Variants in RIMS2 observed in about 807,000 individuals in gnomAD.
RIMS2 encodes the protein regulating synaptic membrane exocytosis 2.
RIMS2 carries 59 observed loss-of-function variants against 174.4 expected under a neutral mutation model. That is an observed-to-expected ratio of 0.34 (90% CI 0.27 to 0.42). RIMS2 has a LOEUF of 0.42. RIMS2 is among the 10% of genes least tolerant of loss of function. The probability of loss-of-function intolerance (pLI) is 1.00; values close to 1 mark genes in which losing one functional copy is unlikely to be tolerated. For missense variants in RIMS2, 1,620 were observed against 1,666.3 expected, an observed-to-expected ratio of 0.97 and a Z score of 0.48; for synonymous variants, 606 against 572.5, an observed-to-expected ratio of 1.06 and a Z score of -0.84.
At chr8:103,925,945 A>C (rs1329858159) in intron 10 of RIMS2, among the ~76,000 whole-genome samples, 1 of 151,554 alleles carries the variant, frequency 6.6e-6, no homozygotes, top group Non-Finnish European at 1.5e-5. Context: ...TCAACGCAAA[A>C]ATATATTTTT....
In RIMS2 at chr8:104,032,643, T is replaced by G. The variant is rs578190755; in HGVS notation, c.3334+18028T>G. Among the ~76,000 whole-genome samples the G allele has an allele frequency of 2.3e-4, 35 of 152,180 alleles. No homozygotes were observed. The South Asian group carries it at 7.2e-3, about 32-fold the overall frequency. ...TAATTAGTAATTGGATGAGAATACA[T>G]TGAAATTTTCATTGAAAATTTAAAA... On this transcript the variant is annotated intron_variant, in intron 19 of 23. Coordinates refer to ENST00000504942, the Ensembl canonical transcript of RIMS2.
intron 3 of RIMS2, among the ~76,000 whole-genome samples, chr8:103,856,883 T>C (rs1166593281): frequency 1.3e-5 from 2 of 152,116 alleles, no homozygotes; most frequent in Non-Finnish European, 2.9e-5. Flanking sequence ...CTCGGCTCAT[T>C]GCAACCTCCG....
intron 11 of RIMS2, among the ~76,000 whole-genome samples, chr8:103,931,013 A>G (rs2079814548): frequency 6.6e-6 from 1 of 152,124 alleles, no homozygotes; most frequent in Admixed American, 6.6e-5. Context: ...TTGCATGTTA[A>G]TAAGCAATCA....
intron 3 of RIMS2, among the ~76,000 whole-genome samples, chr8:103,866,283 C>T (rs1266513394): frequency 6.6e-6 from 1 of 152,072 alleles, no homozygotes; most frequent in Admixed American, 6.6e-5. Flanking sequence ...ATAAAGCTGA[C>T]AATAACAGGA....
At chr8:103,834,724 C>CTTTCTTTCTTTCTT (rs2098853229) in intron 3 of RIMS2, among the ~76,000 whole-genome samples, 1 of 112,082 alleles carries the variant, frequency 8.9e-6, no homozygotes. Context: ...TTCTTTCTTT[C>CTTTCTTTCTTTCTT]TTTCTTTCTT....
intron 1 of RIMS2, among the ~76,000 whole-genome samples, chr8:103,529,737 C>T (rs1012364424): frequency 6.6e-6 from 1 of 152,236 alleles, no homozygotes; most frequent in Admixed American, 6.5e-5. Flanking sequence ...GAGCTGTAGA[C>T]TGGAGCTGTT....
At chr8:103,747,333 A>G (rs1237289449) in intron 2 of RIMS2, among the ~76,000 whole-genome samples, 1 of 147,982 alleles carries the variant, frequency 6.8e-6, no homozygotes, top group Non-Finnish European at 1.5e-5. Context: ...ATGGTAAGAG[A>G]CAGGGTTGGG....
intron 1 of RIMS2, among the ~76,000 whole-genome samples, chr8:103,564,878 C>T (rs139720935): frequency 5.4e-4 from 82 of 152,314 alleles, no homozygotes; most frequent in Middle Eastern, 3.4e-3. Flanking sequence ...TCAACCATCA[C>T]GCTGGTCTTA....
chr8:103,941,201 T>A (rs1424437178), intron 13 of RIMS2, among the ~76,000 whole-genome samples: 2 of 152,088 alleles, frequency 1.3e-5, no homozygotes, highest in Admixed American at 1.3e-4. Context: ...ATGAAACAAC[T>A]CCAGGCATGG....
At chr8:103,632,961 C>T (rs1237296212) in intron 1 of RIMS2, among the ~76,000 whole-genome samples, 1 of 149,754 alleles carries the variant, frequency 6.7e-6, no homozygotes, top group Non-Finnish European at 1.5e-5. Flanking sequence ...TCTCTATCTC[C>T]TGACCCTGTG....
chr8:103,751,921 T>C (rs1642806849), intron 2 of RIMS2, among the ~76,000 whole-genome samples: 1 of 151,810 alleles, frequency 6.6e-6, no homozygotes, highest in South Asian at 2.1e-4. Flanking sequence ...GATGGTAGTT[T>C]CTTTTGCTGT....
At chr8:103,652,496 T>TA in intron 1 of RIMS2, 128 bp from the exon 3 acceptor site, 1 of 455,636 alleles carries the variant, frequency 2.2e-6, no homozygotes. Flanking sequence ...GCCTGGATGA[T>TA]AATTGGAGCT....
intron 1 of RIMS2, among the ~76,000 whole-genome samples, chr8:103,602,614 A>G (rs980100009): frequency 1.3e-5 from 2 of 152,156 alleles, no homozygotes; most frequent in Non-Finnish European, 2.9e-5. Flanking sequence ...AGCTCCATCC[A>G]TATTGCTGCA....
At chr8:104,035,797 C>T (rs2096500739) in intron 19 of RIMS2, among the ~76,000 whole-genome samples, 1 of 152,056 alleles carries the variant, frequency 6.6e-6, no homozygotes, top group African/African-American at 2.4e-5. Context: ...TGTTCTTGGT[C>T]ATTATCAGCA....
chr8:103,851,097 GA>G (rs1312302898), intron 3 of RIMS2, among the ~76,000 whole-genome samples: 1 of 151,930 alleles, frequency 6.6e-6, no homozygotes, highest in Non-Finnish European at 1.5e-5. Context: ...GGCATAAAGG[GA>G]AAGGTGCTTA....
In RIMS2 at chr8:103,941,473, C is replaced by A. The variant is rs113333904; in HGVS notation, c.2548-1300C>A. Among the ~76,000 whole-genome samples, 8 of 127,754 alleles carry A rather than the reference C, an allele frequency of 6.3e-5. 2 individuals carry two copies. The highest frequency in any genetic ancestry group is 2.0e-4 in the African/African-American group (8 of 39,278). The allele number at this position is 127,754 out of a possible 152,430, so 83.8% of individuals were successfully genotyped here. ...CTGCACTCCAGCCTGGGTGACATAGCAAGACCCTGTCTCAAAAACAAAAAA... is the reference window on the plus strand; with the variant it reads ...CTGCACTCCAGCCTGGGTGACATAGAAAGACCCTGTCTCAAAAACAAAAAA... On this transcript the variant is annotated intron_variant, in intron 13 of 23. Coordinates refer to ENST00000504942, the Ensembl canonical transcript of RIMS2.
At chr8:103,851,233 A>G (rs2098996072) in intron 3 of RIMS2, among the ~76,000 whole-genome samples, 1 of 151,956 alleles carries the variant, frequency 6.6e-6, no homozygotes, top group Non-Finnish European at 1.5e-5. Context: ...GATAATTCTT[A>G]GAGTTAAGGA....
At chr8:103,946,384 C>T (rs975046000) in intron 14 of RIMS2, among the ~76,000 whole-genome samples, 1 of 152,030 alleles carries the variant, frequency 6.6e-6, no homozygotes, top group African/African-American at 2.4e-5. Flanking sequence ...CACAGCTACT[C>T]AGGAAGCTGA....
At chr8:103,766,451 T>C in exon 3 of RIMS2, 1 of 1,613,830 alleles carries the variant, frequency 6.2e-7, no homozygotes, top group Non-Finnish European at 8.5e-7. Context: ...TGGAGAAAAG[T>C]CGATCTCATG....
Sources: gnomAD v4.1 joint callset for allele counts (sites outside exome capture counted in the v4.1 genomes callset) on GRCh38, gnomAD v4.1.1 for gene constraint, MANE v1.5 for transcripts, NCBI Gene and HGNC (gene_info 2026-07-23, HGNC 2026-07-21) for gene names.